The following EXPH5 variants were observed in gnomAD, a reference collection of about 807,000 sequenced individuals.
EXPH5 encodes exophilin-5.
In EXPH5, 42 loss-of-function variants were observed where a neutral mutation model predicts 41.1. That is an observed-to-expected ratio of 1.02 (90% CI 0.80 to 1.32). The LOEUF is 1.32. Ranked by LOEUF, EXPH5 falls within the 40% of genes most tolerant of loss-of-function variation. The pLI, the probability that EXPH5 is intolerant of heterozygous loss-of-function variation, is 0.00. For synonymous variants in EXPH5, 798 were observed against 833.5 expected, an observed-to-expected ratio of 0.96 and a Z score of 0.73; for missense variants, 2,298 against 2,314.5, an observed-to-expected ratio of 0.99 and a Z score of 0.15.
chr11:108,566,664 G>A (rs542505284), intron 1 of EXPH5, among the ~76,000 whole-genome samples: 2 of 151,860 alleles, frequency 1.3e-5, no homozygotes, highest in African/African-American at 4.8e-5. Context: ...AATGGCCTGG[G>A]CAACATGGCA....
At chr11:108,575,555 G>A (rs1181676644) in intron 1 of EXPH5, among the ~76,000 whole-genome samples, 2 of 152,212 alleles carry the variant, frequency 1.3e-5, no homozygotes, top group African/African-American at 4.8e-5. Flanking sequence ...TAGAATATAT[G>A]CAGTAGAATA....
intron 3 of EXPH5, among the ~76,000 whole-genome samples, chr11:108,531,932 T>C (rs1565799508): frequency 6.6e-6 from 1 of 152,176 alleles, no homozygotes; most frequent in Non-Finnish European, 1.5e-5. Context: ...ACATTTATCA[T>C]CTTTTGGCTT....
At chr11:108,593,870 C>G (rs2094134700), upstream of EXPH5, 4 of 843,584 alleles carry the variant, frequency 4.7e-6, no homozygotes, top group South Asian at 1.6e-5. Flanking sequence ...TCCCTCGTCC[C>G]CTCCCTCGTC....
chr11:108,533,515 C>G (rs113129978), intron 3 of EXPH5, among the ~76,000 whole-genome samples: 1 of 152,250 alleles, frequency 6.6e-6, no homozygotes, highest in South Asian at 2.1e-4. Context: ...CATTCTAAAT[C>G]TTGCACAAAT....
intron 1 of EXPH5, among the ~76,000 whole-genome samples, chr11:108,555,324 C>T (rs915185574): frequency 6.6e-6 from 1 of 152,232 alleles, no homozygotes; most frequent in African/African-American, 2.4e-5. Context: ...ATAGCTTATA[C>T]TTTTATTTAT....
chr11:108,569,512 G>A (rs1198426909), intron 1 of EXPH5, among the ~76,000 whole-genome samples: 2 of 151,942 alleles, frequency 1.3e-5, no homozygotes, highest in African/African-American at 2.4e-5. Flanking sequence ...GCTAATTTTT[G>A]TATTTTGAGT....
At chr11:108,589,721 A>T (rs10890866) in intron 1 of EXPH5, among the ~76,000 whole-genome samples, 56,810 of 152,028 alleles carry the variant, frequency 0.37, 10,928 homozygotes, top group Middle Eastern at 0.49. Flanking sequence ...GCCATTAATA[A>T]TACCCCAAGA....
chr11:108,559,530 A>G, intron 1 of EXPH5, among the ~76,000 whole-genome samples: 1 of 152,174 alleles, frequency 6.6e-6, no homozygotes, highest in Non-Finnish European at 1.5e-5. Context: ...TGTTAATTAT[A>G]TTGTTCATGG....
At chr11:108,596,119 C>T (rs550730515), upstream of EXPH5, among the ~76,000 whole-genome samples, 118 of 151,362 alleles carry the variant, frequency 7.8e-4, 1 homozygote, top group African/African-American at 2.7e-3. Flanking sequence ...CGCTTGAACC[C>T]GGGAGGCGGA....
chr11:108,579,676 T>C (rs937143207), intron 1 of EXPH5, among the ~76,000 whole-genome samples: 6 of 152,124 alleles, frequency 3.9e-5, no homozygotes, highest in African/African-American at 1.4e-4. Flanking sequence ...AAGTAAATTG[T>C]AGTAGGCAAA....
intron 1 of EXPH5, among the ~76,000 whole-genome samples, chr11:108,562,300 A>C (rs982873644): frequency 5.4e-5 from 8 of 148,568 alleles, no homozygotes; most frequent in African/African-American, 2.0e-4. Flanking sequence ...TGTGAAAGTA[A>C]AATTACATCA....
intron 3 of EXPH5, among the ~76,000 whole-genome samples, chr11:108,530,622 G>A (rs545278754): frequency 6.6e-5 from 10 of 152,310 alleles, no homozygotes; most frequent in Admixed American, 2.0e-4. Context: ...GAATCCTGCT[G>A]GGCTACAGCC....
intron 1 of EXPH5, among the ~76,000 whole-genome samples, chr11:108,550,861 A>G (rs1296473229): frequency 1.3e-5 from 2 of 152,160 alleles, no homozygotes; most frequent in Admixed American, 6.5e-5. Flanking sequence ...AAACATGGAT[A>G]CAGATGAGGT....
chr11:108,509,551 C>CT lies in EXPH5; in HGVS notation c.5955dup (p.Glu1986ArgfsTer10). 6.4e-7 allele frequency: 1 copy of CT among 1,555,244 alleles called. No individual in the cohort carries two copies. Among genetic ancestry groups the CT allele is most frequent in the Non-Finnish European group, 8.6e-7 (1 of 1,157,936 alleles). ...TTGAAAAAGCCTCACAGTTCTGACT[C>CT]TTTGTCATTTTCATCCAGGTAGTAT... On this transcript the variant is annotated frameshift_variant, in exon 6 of 6. Transcript: ENST00000265843. LOFTEE classifies it high-confidence loss of function.
intron 1 of EXPH5, among the ~76,000 whole-genome samples, chr11:108,551,404 T>A (rs2093964235): frequency 1.3e-5 from 2 of 152,196 alleles, no homozygotes. Context: ...TTCCATTTTC[T>A]TGTCAGAAAA....
At chr11:108,545,407 C>A (rs1447875390) in intron 1 of EXPH5, among the ~76,000 whole-genome samples, 1 of 151,972 alleles carries the variant, frequency 6.6e-6, no homozygotes, top group East Asian at 1.9e-4. Flanking sequence ...GATAGGGCTC[C>A]CACCCTAGAG....
intron 1 of EXPH5, among the ~76,000 whole-genome samples, chr11:108,582,214 A>G (rs919327222): frequency 2.5e-4 from 38 of 152,234 alleles, no homozygotes; most frequent in African/African-American, 8.9e-4. Context: ...CTGTAATCCC[A>G]GCACTTTGGG....
chr11:108,523,146 G>A (rs1170334926), intron 4 of EXPH5, among the ~76,000 whole-genome samples: 4 of 152,058 alleles, frequency 2.6e-5, no homozygotes, highest in Non-Finnish European at 4.4e-5. Flanking sequence ...AAAGTGCTGG[G>A]ATTACAGGCA....
intron 5 of EXPH5, 121 bp downstream of exon 5, chr11:108,518,114 T>C (rs1460398122): frequency 1.2e-5 from 10 of 832,582 alleles, no homozygotes; most frequent in African/African-American, 3.4e-5. Flanking sequence ...AAGCTAAACA[T>C]GAGGATGTAA....
Sources: gnomAD v4.1 joint callset for allele counts (sites outside exome capture counted in the v4.1 genomes callset) on GRCh38, gnomAD v4.1.1 for gene constraint, MANE v1.5 for transcripts, NCBI Gene and HGNC (gene_info 2026-07-23, HGNC 2026-07-21) for gene names.